Variants in CDK12 observed in about 807,000 individuals in gnomAD.
CDK12 encodes cyclin dependent kinase 12.
Under a neutral mutation model 133.8 loss-of-function variants are expected in CDK12, and 17 were observed. The ratio of observed to expected loss-of-function variants is 0.13; its 90% CI spans 0.09 to 0.19. CDK12 has a LOEUF of 0.19. CDK12 is among the 10% of genes least tolerant of loss of function. The pLI, the probability that CDK12 is intolerant of heterozygous loss-of-function variation, is 1.00. For synonymous variants in CDK12, 694 were observed against 683.6 expected, an observed-to-expected ratio of 1.02 and a Z score of -0.24; for missense variants, 1,508 against 1,818.7, an observed-to-expected ratio of 0.83 and a Z score of 3.11.
intron 2 of CDK12, among the ~76,000 whole-genome samples, chr17:39,480,718 CAGCCGAA>C (rs745396514): frequency 3.9e-5 from 6 of 152,106 alleles, no homozygotes; most frequent in Non-Finnish European, 5.9e-5. Flanking sequence ...CCAGCACGCC[CAGCCGAA>C]ACTTTTCTTT....
At position 39,494,614 on chromosome 17, in the gene CDK12, A is replaced by G. The variant is rs201779898; in HGVS notation, c.2339A>G (p.Gln780Arg). Residue 780 changes from glutamine (Q) to arginine (R), a missense_variant, in exon 5 of 14, where the codon CAG becomes CGG. By Grantham distance (43) the Gln-to-Arg change is conservative (BLOSUM62 1). Coordinates refer to ENST00000447079, the MANE Select transcript of CDK12 (RefSeq NM_016507.4). ...ATTCGTGAAATCAAAATCCTTCGTCAGTTAATCCACCGAAGTGTTGTTAAC... is the reference window on the plus strand; with the variant it reads ...ATTCGTGAAATCAAAATCCTTCGTCGGTTAATCCACCGAAGTGTTGTTAAC... ...TAIREIKILR[Q>R]LIHRSVVNMK... 6.2e-7 allele frequency: 1 copy of G among 1,612,286 alleles called. No individual in the cohort carries two copies. The highest frequency in any genetic ancestry group is 2.2e-5 in the East Asian group (1 of 44,850).
rs184849410 is a variant in CDK12, at chr17:39,513,796, C to T, written c.2769-1935C>T. 1.5e-4 allele frequency among the ~76,000 whole-genome samples: 23 copies of T among 152,304 alleles called. No individual in the cohort carries two copies. The East Asian group carries it at 4.1e-3, about 27-fold the overall frequency. On this transcript the variant is annotated intron_variant, in intron 8 of 13. Coordinates refer to ENST00000447079, the MANE Select transcript of CDK12 (RefSeq NM_016507.4). ...TTGTTTGAGTTTTGATGTGAACTTACTACTTTGGTGATTCATGGTAGTCTC... is the reference window on the plus strand; with the variant it reads ...TTGTTTGAGTTTTGATGTGAACTTATTACTTTGGTGATTCATGGTAGTCTC...
Position 39,561,204 on chromosome 17 carries a change from G to A in CDK12, n.485-3556G>A, listed in dbSNP as rs374071165. Among the ~76,000 whole-genome samples the A allele has an allele frequency of 1.1e-4, 17 of 152,298 alleles. No individual in the cohort carries two copies. In the East Asian group the frequency reaches 3.3e-3, roughly 29 times the overall value. On this transcript the variant is annotated intron_variant and non_coding_transcript_variant, in intron 3 of 3. Coordinates refer to the CDK12 transcript ENST00000558240. ...GCCTATCAGAGGATGAGATATTAAGGTCCTCTTTGGAAATGTGCTGTTGAA... is the reference window on the plus strand; with the variant it reads ...GCCTATCAGAGGATGAGATATTAAGATCCTCTTTGGAAATGTGCTGTTGAA...
intron 2 of CDK12, among the ~76,000 whole-genome samples, chr17:39,472,498 C>A (rs918970271): frequency 1.3e-5 from 2 of 151,320 alleles, no homozygotes; most frequent in Admixed American, 1.3e-4. Flanking sequence ...ACATGGTGAA[C>A]CCCCATCTCT....
chr17:39,560,538 C>A (rs572089332), intron 3 of CDK12, among the ~76,000 whole-genome samples: 2 of 152,324 alleles, frequency 1.3e-5, no homozygotes, highest in Non-Finnish European at 2.9e-5. Flanking sequence ...AGCCTGGAAT[C>A]CAAGATAATA....
intron 3 of CDK12, among the ~76,000 whole-genome samples, chr17:39,564,171 C>A (rs1157993143): frequency 6.6e-6 from 1 of 152,160 alleles, no homozygotes; most frequent in African/African-American, 2.4e-5. Flanking sequence ...GTCACCCCTC[C>A]TTTGTAGTCT....
intron 11 of CDK12, among the ~76,000 whole-genome samples, chr17:39,523,524 A>T (rs2054309587): frequency 6.6e-6 from 1 of 152,220 alleles, no homozygotes; most frequent in Non-Finnish European, 1.5e-5. Flanking sequence ...TGTCAGTGAC[A>T]GTATTATAGC....
rs1891054411 is a variant in CDK12 at position 39,461,835 on chromosome 17, C to G, written c.-237C>G. On this transcript the variant is annotated 5_prime_UTR_variant, in exon 1 of 14. Transcript: ENST00000447079. ...AGACTTGAGCAGCTCCCCGTTGTCT[C>G]GCAACTCCACTGCCGAGGAACTCTC... 1 of 559,974 alleles carries G rather than the reference C, an allele frequency of 1.8e-6. No homozygotes were observed. The highest frequency in any genetic ancestry group is 3.2e-6 in the Non-Finnish European group (1 of 312,990). The allele number at this position is 559,974 out of a possible 1,614,324, so 34.7% of individuals were successfully genotyped here.
chr17:39,508,295 A>G (rs542588850), intron 6 of CDK12, among the ~76,000 whole-genome samples: 22 of 152,220 alleles, frequency 1.4e-4, no homozygotes, highest in Non-Finnish European at 2.6e-4. Flanking sequence ...CTGAACTATT[A>G]GACACCTACA....
intron 6 of CDK12, among the ~76,000 whole-genome samples, chr17:39,502,932 T>C (rs74514513): frequency 0.013 from 1,977 of 152,282 alleles, 19 homozygotes; most frequent in Non-Finnish European, 0.021. Flanking sequence ...AGCCCACTTA[T>C]GGATCTTGCA....
chr17:39,484,461 C>T (rs140349802), intron 2 of CDK12, among the ~76,000 whole-genome samples: 243 of 152,184 alleles, frequency 1.6e-3, no homozygotes, highest in South Asian at 0.015. Flanking sequence ...CACATGTCCG[C>T]AACCCTTTAT....
At position 39,524,805 on chromosome 17, in the gene CDK12, C is replaced by A; in HGVS notation, c.3227C>A (p.Thr1076Asn). The A allele has an allele frequency of 6.2e-7, 1 of 1,614,228 alleles. No individual in the cohort carries two copies. The highest frequency in any genetic ancestry group is 2.2e-5 in the East Asian group (1 of 44,888). Residue 1076 changes from threonine (T) to asparagine (N), a missense_variant, in exon 12 of 14, where the codon ACT becomes AAT. Transcript: ENST00000447079. ...SRKETTSGTS[T>N]EPVKNSSPAP... Reference sequence around the variant, plus strand: ...AAAGAAACTACCTCAGGGACAAGTACTGAGCCTGTGAAGAACAGCAGCCCA... The same window carrying A: ...AAAGAAACTACCTCAGGGACAAGTAATGAGCCTGTGAAGAACAGCAGCCCA...
chr17:39,517,383 G>A (rs907664506), intron 9 of CDK12, 57 bp from the exon 10 acceptor site: 39 of 982,806 alleles, frequency 4.0e-5, no homozygotes, highest in Middle Eastern at 2.1e-4. Flanking sequence ...TGAAACCTCC[G>A]GAATTCATGA....
chr17:39,493,327 C>T (rs990129150), intron 4 of CDK12, among the ~76,000 whole-genome samples: 2 of 150,348 alleles, frequency 1.3e-5, no homozygotes, highest in African/African-American at 2.5e-5. Context: ...TTTTTTGAGA[C>T]GGGGTCTTGC....
At chr17:39,520,494 G>A (rs774177817) in intron 11 of CDK12, among the ~76,000 whole-genome samples, 8 of 152,024 alleles carry the variant, frequency 5.3e-5, no homozygotes, top group Admixed American at 2.6e-4. Context: ...GGGTTCAAGC[G>A]ATTCTCCTGC....
intron 5 of CDK12, among the ~76,000 whole-genome samples, chr17:39,496,644 T>C (rs1003940149): frequency 6.6e-6 from 1 of 152,038 alleles, no homozygotes; most frequent in African/African-American, 2.4e-5. Context: ...GAGGTTGCAG[T>C]GAGTTGAGAT....
rs2053947058 is a variant in CDK12, at chr17:39,518,403, G to C, written c.2963+847G>C. Among the ~76,000 whole-genome samples, 2 of 151,612 alleles carry C rather than the reference G, an allele frequency of 1.3e-5. 1 individual carries two copies. Among genetic ancestry groups the C allele is most frequent in the Middle Eastern group, 6.8e-3 (2 of 292 alleles). On this transcript the variant is annotated intron_variant, in intron 10 of 13. Transcript: ENST00000447079. ...GCTGGTCTTGAGCTCCTGGGCTCAA[G>C]TGCTCTTCCTGCCTCAGCCCCCCAA...
At chr17:39,493,111 G>A (rs2051769741) in intron 4 of CDK12, among the ~76,000 whole-genome samples, 1 of 151,032 alleles carries the variant, frequency 6.6e-6, no homozygotes, top group Admixed American at 6.6e-5. Context: ...TCCTGCCTCA[G>A]CCTCCCGAGT....
chr17:39,511,478 T>G (rs1205740442), intron 7 of CDK12, 51 bp from the exon 8 acceptor site: 2 of 1,172,132 alleles, frequency 1.7e-6, no homozygotes, highest in Admixed American at 3.7e-5. Context: ...GTGAATATTT[T>G]TCATCAGAAG....
Sources: gnomAD v4.1 joint callset for allele counts (sites outside exome capture counted in the v4.1 genomes callset) on GRCh38, gnomAD v4.1.1 for gene constraint, MANE v1.5 for transcripts, NCBI Gene and HGNC (gene_info 2026-07-23, HGNC 2026-07-21) for gene names.